OXA1L: variants seen among roughly 807,000 people sequenced by gnomAD.
OXA1L encodes the protein OXA1L mitochondrial inner membrane insertase.
Under a neutral mutation model 52.2 loss-of-function variants are expected in OXA1L, and 42 were observed. The observed-to-expected ratio is 0.80, with a 90% CI of 0.63 to 1.04. The LOEUF (loss-of-function observed/expected upper bound fraction) is 1.04. OXA1L is among the 50% of genes least tolerant of loss of function. The pLI is 0.00. For missense variants in OXA1L, 572 were observed against 555.0 expected, an observed-to-expected ratio of 1.03 and a Z score of -0.31; for synonymous variants, 239 against 201.9, an observed-to-expected ratio of 1.18 and a Z score of -1.56.
Position 22,770,455 on chromosome 14 carries a change from T to G in OXA1L, c.670-6T>G. ...GCATGCTGACACTGTTTATCTTGTGTAATAGGCCCCAATCTTCATCTCCTT... is the reference window on the plus strand; with the variant it reads ...GCATGCTGACACTGTTTATCTTGTGGAATAGGCCCCAATCTTCATCTCCTT... On this transcript the variant is annotated splice_region_variant and splice_polypyrimidine_tract_variant and intron_variant, in intron 5 of 9. Transcript: ENST00000612549. 1 of 1,612,300 alleles carries G rather than the reference T, an allele frequency of 6.2e-7. No homozygotes were observed. The highest frequency in any genetic ancestry group is 8.5e-7 in the Non-Finnish European group (1 of 1,178,476).
rs1160023498 is a variant in OXA1L at position 22,772,319 on chromosome 14, C to T, written c.*761C>T. Reference sequence around the variant, plus strand: ...CCAACATGGTGAAACCCCGTCTCTACTAAAAAAAAAAAAAAAAAAATTAGC... The same window carrying T: ...CCAACATGGTGAAACCCCGTCTCTATTAAAAAAAAAAAAAAAAAAATTAGC... On this transcript the variant is annotated 3_prime_UTR_variant, in exon 10 of 10. Coordinates refer to ENST00000612549, the MANE Select transcript of OXA1L (RefSeq NM_005015.5). 2 of 86,650 alleles carry T rather than the reference C, an allele frequency of 2.3e-5. No individual in the cohort carries two copies. The highest frequency in any genetic ancestry group is 7.9e-5 in the African/African-American group (2 of 25,366). The allele number at this position is 86,650 out of a possible 1,614,324, so 5.4% of individuals were successfully genotyped here. A position where few individuals can be genotyped will look rare whatever the true frequency, so the allele number is the denominator to read the frequency against.
In OXA1L at chr14:22,771,505, A is replaced by AGCC. The variant is rs57267429; in HGVS notation, c.1257_1258insCGC (p.Ser419_Ser420insArg). 1 of 1,546,036 alleles carries AGCC rather than the reference A, an allele frequency of 6.5e-7. No individual in the cohort carries two copies. Among genetic ancestry groups the AGCC allele is most frequent in the South Asian group, 1.1e-5 (1 of 88,178 alleles). ...AAAGGATAACCCTCCCAATATCCCT[A>AGCC]GCAGCAGCAGCAAACCAAAGTCAAA... is the stretch of plus-strand genomic sequence containing the variant. On this transcript the variant is annotated inframe_insertion, in exon 10 of 10. Coordinates refer to ENST00000612549, the MANE Select transcript of OXA1L (RefSeq NM_005015.5).
chr14:22,771,247 C>T (rs76814074), intron 8 of OXA1L, 21 bp from the exon 9 acceptor site: 2 of 1,613,500 alleles, frequency 1.2e-6, no homozygotes, highest in Non-Finnish European at 1.7e-6. Context: ...GCAACTGACT[C>T]TCTTGCTTCT....
In OXA1L at chr14:22,771,260, TTACACAG is replaced by T; in HGVS notation, c.1103-7_1103-1del. The T allele has an allele frequency of 1.1e-5, 17 of 1,614,036 alleles. No individual in the cohort carries two copies. The highest frequency in any genetic ancestry group is 1.4e-5 in the Non-Finnish European group (17 of 1,179,906). ...ATGCAACTGACTCTCTTGCTTCTCT[TTACACAG>T]GCTGGAAAAATGCTGAAATGACGCG... On this transcript the variant is annotated splice_acceptor_variant and splice_polypyrimidine_tract_variant and intron_variant, in intron 8 of 9. Transcript: ENST00000612549. LOFTEE classifies it high-confidence loss of function.
Position 22,767,105 on chromosome 14 carries a change from C to T in OXA1L, c.64-143C>T, listed in dbSNP as rs2038413034. On this transcript the variant is annotated intron_variant, in intron 1 of 9. Transcript: ENST00000612549. Reference sequence around the variant, plus strand: ...CGCTGCATGCCTTCGGGCTAGCGGTCTGCGCGCGGTGATAGCAATGTCCTC... The same window carrying T: ...CGCTGCATGCCTTCGGGCTAGCGGTTTGCGCGCGGTGATAGCAATGTCCTC... 15 of 1,534,180 alleles carry T rather than the reference C, an allele frequency of 9.8e-6. No individual in the cohort carries two copies. In the South Asian group the frequency reaches 1.1e-4, roughly 11 times the overall value.
intron 2 of OXA1L, 131 bp downstream of exon 2, chr14:22,767,540 A>T (rs2038420146): frequency 1.4e-6 from 1 of 710,010 alleles, no homozygotes; most frequent in Admixed American, 3.2e-5. Flanking sequence ...CTCCAAAATG[A>T]TAGCATCTCT....
In OXA1L at chr14:22,766,755, C is replaced by T. The variant is rs998228246; in HGVS notation, c.54C>T (p.Ser18=). The change falls in exon 1 of 10, where the codon TCC becomes TCT. Residue 18 remains serine (S), a synonymous_variant. Transcript: ENST00000612549. ...GGGAGCTTCTGCGCTTGCTACAGTC[C>T]GGGCGTCGGGTAAGGATGCCCCGGG... The part of the protein sequence containing the change: ...GRRELLRLLQ[S]GRRVHSVAGP... 36 of 1,614,098 alleles carry T rather than the reference C, an allele frequency of 2.2e-5. No homozygotes were observed. Among genetic ancestry groups the T allele is most frequent in the Non-Finnish European group, 3.0e-5 (35 of 1,180,058 alleles).
chr14:22,770,122 T>C lies in OXA1L; in HGVS notation c.584-71T>C, dbSNP rs1594938777. ...TTGGTTAGAAATTTCACAGGCCAGG[T>C]AGATAATGAGGATGTTCACCTCCAC... On this transcript the variant is annotated intron_variant, in intron 4 of 9. Coordinates refer to ENST00000612549, the MANE Select transcript of OXA1L (RefSeq NM_005015.5). 3 of 1,333,524 alleles carry C rather than the reference T, an allele frequency of 2.2e-6. No individual in the cohort carries two copies. In the African/African-American group the frequency reaches 4.3e-5, roughly 19 times the overall value. 82.6% of individuals were successfully genotyped at this position (1,333,524 alleles called of 1,614,324 possible). A position where few individuals can be genotyped will look rare whatever the true frequency, so the allele number is the denominator to read the frequency against.
Position 22,771,642 on chromosome 14 carries a change from C to T in OXA1L, c.*84C>T, listed in dbSNP as rs1452197970. The T allele has an allele frequency of 7.1e-7, 1 of 1,417,462 alleles. No individual in the cohort carries two copies. The highest frequency in any genetic ancestry group is 9.9e-7 in the Non-Finnish European group (1 of 1,006,908). 87.8% of individuals were successfully genotyped at this position (1,417,462 alleles called of 1,614,324 possible). On this transcript the variant is annotated 3_prime_UTR_variant, in exon 10 of 10. Coordinates refer to ENST00000612549, the MANE Select transcript of OXA1L (RefSeq NM_005015.5). The stretch of plus-strand genomic sequence containing the variant: ...ACAAGACTTGACACTGTGTCCTTGC[C>T]CCAGTCCTAGGAACTGTGGCACACA...
chr14:22,769,128 C>T (rs1371963019), intron 3 of OXA1L, among the ~76,000 whole-genome samples: 2 of 152,036 alleles, frequency 1.3e-5, no homozygotes, highest in Admixed American at 1.3e-4. Flanking sequence ...TTATTACTGA[C>T]TATAGTCACC....
In OXA1L at chr14:22,771,293, T is replaced by C. The variant is rs1188037849; in HGVS notation, c.1128T>C (p.Arg376=). ...KKGWKNAEMT[R]QLREREQRMR... ...GCTGGAAAAATGCTGAAATGACGCGTCAGCTGCGAGAGCGTGAACAACGCA... is the reference window on the plus strand; with the variant it reads ...GCTGGAAAAATGCTGAAATGACGCGCCAGCTGCGAGAGCGTGAACAACGCA... Residue 376 remains arginine, a synonymous_variant, in exon 9 of 10, where the codon CGT becomes CGC. Transcript: ENST00000612549. 6.2e-7 allele frequency: 1 copy of C among 1,614,096 alleles called. No individual in the cohort carries two copies. The highest frequency in any genetic ancestry group is 1.3e-5 in the African/African-American group (1 of 74,950).
intron 2 of OXA1L, 141 bp from the exon 3 acceptor site, chr14:22,767,817 C>T: frequency 1.6e-6 from 1 of 613,590 alleles, no homozygotes; most frequent in South Asian, 2.6e-5. Flanking sequence ...CCTTTTTAAG[C>T]TTGAAATCTG....
Position 22,769,464 on chromosome 14 carries a change from C to G in OXA1L, c.440-327C>G, listed in dbSNP as rs1222348243. Reference sequence around the variant, plus strand: ...TCTTTCCATTTACTCCCTCAGCCGTCTGGCTTTTACTCATATCACCTCATT... The same window carrying G: ...TCTTTCCATTTACTCCCTCAGCCGTGTGGCTTTTACTCATATCACCTCATT... On this transcript the variant is annotated intron_variant, in intron 3 of 9. Transcript: ENST00000612549. 2.0e-5 allele frequency among the ~76,000 whole-genome samples: 3 copies of G among 152,224 alleles called. No homozygotes were observed. The East Asian group carries it at 5.8e-4, about 29-fold the overall frequency.
At chr14:22,768,352 A>G in intron 3 of OXA1L, 181 bp downstream of exon 3, 1 of 597,072 alleles carries the variant, frequency 1.7e-6, no homozygotes, top group East Asian at 2.8e-5. Flanking sequence ...AGAGCATTAT[A>G]AAACCACCAG....
At position 22,771,180 on chromosome 14, in the gene OXA1L, G is replaced by A. The variant is rs139483664; in HGVS notation, c.1102G>A (p.Gly368Ser). The change falls in exon 8 of 10, where the codon GGC becomes AGC. Residue 368 changes from glycine (G) to serine (S), a missense_variant and splice_region_variant. Coordinates refer to ENST00000612549, the MANE Select transcript of OXA1L (RefSeq NM_005015.5). ...AGGCTTCCTAGAGAGCTTCAAAAAA[G>A]GTAAGGGCTCATCCTCTGTGAAAAA... ...REGFLESFKK[G>S]WKNAEMTRQL... The A allele has an allele frequency of 6.2e-7, 1 of 1,614,050 alleles. No homozygotes were observed. The highest frequency in any genetic ancestry group is 1.1e-5 in the South Asian group (1 of 91,074).
intron 1 of OXA1L, 199 bp from the exon 2 acceptor site, chr14:22,767,049 C>T: frequency 1.3e-6 from 2 of 1,536,176 alleles, no homozygotes; most frequent in Non-Finnish European, 1.7e-6. Flanking sequence ...GCGGGGAACC[C>T]AGGTTCGAGC....
At position 22,766,743 on chromosome 14, in the gene OXA1L, C is replaced by A. The variant is rs374723068; in HGVS notation, c.42C>A (p.Arg14=). The change falls in exon 1 of 10, where the codon CGC becomes CGA. Residue 14 remains arginine (R), a synonymous_variant. Transcript: ENST00000612549. ...TGTGCGGACGCCGGGAGCTTCTGCG[C>A]TTGCTACAGTCCGGGCGTCGGGTAA... ...GLMCGRRELL[R]LLQSGRRVHS... is the part of the protein sequence containing the mutation. 1.2e-6 allele frequency: 2 copies of A among 1,614,264 alleles called. No homozygotes were observed. The highest frequency in any genetic ancestry group is 2.2e-5 in the South Asian group (2 of 91,092).
chr14:22,771,220 G>A, intron 8 of OXA1L, 40 bp downstream of exon 8: 2 of 1,612,778 alleles, frequency 1.2e-6, no homozygotes, highest in South Asian at 1.1e-5. Context: ...TAGGGAAAGG[G>A]GTCTAAAAAT....
In OXA1L at chr14:22,771,623, C is replaced by T. The variant is rs1438643364; in HGVS notation, c.*65C>T. On this transcript the variant is annotated 3_prime_UTR_variant, in exon 10 of 10. Coordinates refer to ENST00000612549, the MANE Select transcript of OXA1L (RefSeq NM_005015.5). ...TCAGAGACTCATCCTCAAAACAAGA[C>T]TTGACACTGTGTCCTTGCCCCAGTC... The T allele has an allele frequency of 1.3e-6, 2 of 1,542,910 alleles. No homozygotes were observed. Among genetic ancestry groups the T allele is most frequent in the East Asian group, 2.2e-5 (1 of 44,548 alleles).
Sources: gnomAD v4.1 joint callset for allele counts (sites outside exome capture counted in the v4.1 genomes callset) on GRCh38, gnomAD v4.1.1 for gene constraint, MANE v1.5 for transcripts, NCBI Gene and HGNC (gene_info 2026-07-23, HGNC 2026-07-21) for gene names.